DPP10: variants seen among roughly 807,000 people sequenced by gnomAD.
The protein encoded by DPP10 is inactive dipeptidyl peptidase 10.
DPP10 carries 33 observed loss-of-function variants against 120.9 expected under a neutral mutation model. The ratio of observed to expected loss-of-function variants is 0.27; its 90% confidence interval spans 0.21 to 0.37. The LOEUF (loss-of-function observed/expected upper bound fraction) is 0.37, where lower values mean the gene tolerates loss of function less well. Among genes scored for constraint, DPP10 ranks in the 10% least tolerant of loss-of-function variants. The pLI is 1.00. For synonymous variants in DPP10, 337 were observed against 326.1 expected, an observed-to-expected ratio of 1.03 and a Z score of -0.36; for missense variants, 816 against 942.8, an observed-to-expected ratio of 0.87 and a Z score of 1.76.
chr2:115,075,937 G>A (rs1707750747), intron 1 of DPP10, among the ~76,000 whole-genome samples: 1 of 152,090 alleles, frequency 6.6e-6, no homozygotes. Context: ...AATGTGGGAA[G>A]CAATTAAGGG....
intron 3 of DPP10, among the ~76,000 whole-genome samples, chr2:115,434,528 T>TA (rs2071300553): frequency 6.6e-6 from 1 of 151,702 alleles, no homozygotes; most frequent in Admixed American, 6.6e-5. Context: ...TCTTCTTTTT[T>TA]AAAAAAAATA....
rs959341554 is a variant in DPP10 at position 115,030,659 on chromosome 2, C to T, written c.61-278580C>T. 3.9e-5 allele frequency among the ~76,000 whole-genome samples: 6 copies of T among 152,072 alleles called. No individual in the cohort carries two copies. The East Asian group carries it at 9.6e-4, about 24-fold the overall frequency. On this transcript the variant is annotated intron_variant, in intron 1 of 25. Coordinates refer to ENST00000410059, the MANE Select transcript of DPP10 (RefSeq NM_020868.6). ...TCCCACTCCTCACCTTCAAACAGGC[C>T]CCAATGTGTGTTGTTCCCCACCATG...
At chr2:115,118,278 T>A (rs1415478016) in intron 1 of DPP10, among the ~76,000 whole-genome samples, 2 of 152,196 alleles carry the variant, frequency 1.3e-5, no homozygotes. Context: ...ACCAATATTA[T>A]CTTTTACCTA....
intron 1 of DPP10, among the ~76,000 whole-genome samples, chr2:115,017,063 G>T (rs3962146): frequency 9.0e-5 from 12 of 132,826 alleles, no homozygotes; most frequent in Admixed American, 3.9e-4. Flanking sequence ...GTTGTGGAGT[G>T]GGGGGAGGGG....
chr2:115,086,324 G>T (rs1307485857), intron 1 of DPP10, among the ~76,000 whole-genome samples: 1 of 151,968 alleles, frequency 6.6e-6, no homozygotes, highest in Admixed American at 6.6e-5. Flanking sequence ...TCCATCTCAG[G>T]TCTTTAGACA....
intron 1 of DPP10, among the ~76,000 whole-genome samples, chr2:115,069,858 A>C (rs1707231180): frequency 6.6e-6 from 1 of 151,498 alleles, no homozygotes; most frequent in South Asian, 2.1e-4. Flanking sequence ...AGGTCTATCT[A>C]TATATATATG....
chr2:114,738,801 G>T (rs1036668841), intron 1 of DPP10, among the ~76,000 whole-genome samples: 3 of 152,152 alleles, frequency 2.0e-5, no homozygotes, highest in Non-Finnish European at 2.9e-5. Context: ...TTCTGATGGG[G>T]ACAAAGACCT....
intron 4 of DPP10, among the ~76,000 whole-genome samples, chr2:115,514,575 T>C (rs1467931586): frequency 6.6e-6 from 1 of 151,794 alleles, no homozygotes; most frequent in East Asian, 1.9e-4. Context: ...TTGTAAAATA[T>C]AAATATTTAC....
rs191558808 is a variant in DPP10, at chr2:114,948,034, A to G, written c.61-361205A>G. On this transcript the variant is annotated intron_variant, in intron 1 of 25. Transcript: ENST00000410059. ...ATCCTTCAAATATTCTTCTCTTTAT[A>G]TATTTTTCCCTCCTGGACTATTATT... 3.2e-4 allele frequency among the ~76,000 whole-genome samples: 48 copies of G among 152,132 alleles called. 1 individual carries two copies. The highest frequency in any genetic ancestry group is 3.1e-3 in the Admixed American group (48 of 15,288).
chr2:115,491,102 G>A (rs2076092305), intron 3 of DPP10, among the ~76,000 whole-genome samples: 1 of 152,088 alleles, frequency 6.6e-6, no homozygotes, highest in South Asian at 2.1e-4. Context: ...TCCAGCCTGG[G>A]CAACAGAGTG....
intron 1 of DPP10, among the ~76,000 whole-genome samples, chr2:114,706,903 T>C (rs1438794269): frequency 2.0e-5 from 3 of 152,198 alleles, no homozygotes; most frequent in Non-Finnish European, 4.4e-5. Context: ...ATGTTGGAAC[T>C]TCTCTTTATA....
chr2:115,184,993 TTTG>T (rs761386319), intron 1 of DPP10, among the ~76,000 whole-genome samples: 7 of 152,218 alleles, frequency 4.6e-5, no homozygotes, highest in Admixed American at 1.3e-4. Flanking sequence ...ATAGCTGTCC[TTTG>T]TTGTTATGTT....
At chr2:115,756,553 A>G (rs943500208) in intron 11 of DPP10, among the ~76,000 whole-genome samples, 6 of 152,140 alleles carry the variant, frequency 3.9e-5, no homozygotes, top group Non-Finnish European at 8.8e-5. Flanking sequence ...TCAATTAAAG[A>G]TAAAAATAAA....
chr2:115,523,925 A>C (rs1311133885), intron 4 of DPP10, among the ~76,000 whole-genome samples: 1 of 152,150 alleles, frequency 6.6e-6, no homozygotes, highest in Admixed American at 6.5e-5. Context: ...AAAATTCTTG[A>C]CATGAATTGT....
Position 115,842,348 on chromosome 2 carries a change from G to T in DPP10, c.*3G>T. 6.2e-7 allele frequency: 1 copy of T among 1,613,346 alleles called. No individual in the cohort carries two copies. On this transcript the variant is annotated 3_prime_UTR_variant, in exon 26 of 26. Coordinates refer to ENST00000410059, the MANE Select transcript of DPP10 (RefSeq NM_020868.6). ...AGGAACCAGAAGAAGATGAATAATG[G>T]ACTGTATTTATACAGAACTGAAGGG...
At chr2:115,173,385 G>A (rs2053490478) in intron 1 of DPP10, among the ~76,000 whole-genome samples, 1 of 152,146 alleles carries the variant, frequency 6.6e-6, no homozygotes, top group Non-Finnish European at 1.5e-5. Flanking sequence ...AAAATTGCTG[G>A]TTTGAAGATG....
At chr2:115,118,270 C>A (rs1408938684) in intron 1 of DPP10, among the ~76,000 whole-genome samples, 1 of 152,118 alleles carries the variant, frequency 6.6e-6, no homozygotes, top group African/African-American at 2.4e-5. Context: ...TAGTCTGAAC[C>A]AATATTATCT....
intron 1 of DPP10, among the ~76,000 whole-genome samples, chr2:114,935,255 A>G (rs1696374276): frequency 6.8e-6 from 1 of 147,330 alleles, no homozygotes; most frequent in Non-Finnish European, 1.5e-5. Context: ...TTCTGTTGAA[A>G]GCAAACCTCC....
At chr2:114,526,972 C>G (rs1685554420) in intron 1 of DPP10, among the ~76,000 whole-genome samples, 1 of 152,142 alleles carries the variant, frequency 6.6e-6, no homozygotes, top group African/African-American at 2.4e-5. Flanking sequence ...TCCTGTAATC[C>G]TCTCCTTTTG....
Sources: allele counts gnomAD v4.1 joint callset (sites outside exome capture counted in the v4.1 genomes callset), GRCh38; gene constraint gnomAD v4.1.1; transcripts MANE v1.5; gene names NCBI Gene and HGNC (gene_info 2026-07-23, HGNC 2026-07-21).